ZNF665: variants seen among roughly 807,000 people sequenced by gnomAD.
ZNF665 encodes zinc finger protein 665.
In ZNF665, 6 loss-of-function variants were observed where a neutral mutation model predicts 7.9. The observed-to-expected ratio is 0.76, with a 90% CI of 0.42 to 1.50. The LOEUF (loss-of-function observed/expected upper bound fraction) is 1.50, where lower values mean the gene tolerates loss of function less well. Among genes scored for constraint, ZNF665 ranks in the 40% most tolerant of loss-of-function variants. ZNF665 has a pLI of 0.01. For synonymous variants in ZNF665, 242 were observed against 274.5 expected, an observed-to-expected ratio of 0.88 and a Z score of 1.17; for missense variants, 819 against 806.7, an observed-to-expected ratio of 1.02 and a Z score of -0.18.
At chr19:53,183,060 C>G in intron 1 of ZNF665, 117 bp from the exon 2 acceptor site, 3 of 1,123,682 alleles carry the variant, frequency 2.7e-6, no homozygotes, top group African/African-American at 3.0e-5. Context: ...CAGGGAAGAC[C>G]TTATACACAG....
chr19:53,181,729 G>T (rs1219999861), intron 2 of ZNF665: 1 of 152,136 alleles, frequency 6.6e-6, no homozygotes, highest in Non-Finnish European at 1.5e-5. Context: ...CCTATTTAAA[G>T]AAATTATAAG....
chr19:53,178,662 G>A (rs1470897706), intron 2 of ZNF665, among the ~76,000 whole-genome samples: 10 of 152,148 alleles, frequency 6.6e-5, no homozygotes, highest in Non-Finnish European at 1.5e-4. Flanking sequence ...AAATGATGTC[G>A]AGCAAAACTG....
chr19:53,184,931 A>AG (rs774885061), intron 1 of ZNF665, among the ~76,000 whole-genome samples: 8 of 152,048 alleles, frequency 5.3e-5, no homozygotes, highest in Non-Finnish European at 1.2e-4. Context: ...AGAGAGAGAG[A>AG]GGAGAAAGAG....
chr19:53,192,678 A>G (rs978831686), intron 1 of ZNF665, among the ~76,000 whole-genome samples: 2 of 151,980 alleles, frequency 1.3e-5, no homozygotes, highest in Non-Finnish European at 2.9e-5. Flanking sequence ...ACACATTCAC[A>G]GGGAGGGTTT....
chr19:53,183,003 G>C, intron 1 of ZNF665, 60 bp from the exon 2 acceptor site: 1 of 1,537,732 alleles, frequency 6.5e-7, no homozygotes, highest in South Asian at 1.1e-5. Flanking sequence ...TACGCTGTTT[G>C]TTGGTTAGAA....
intron 1 of ZNF665, among the ~76,000 whole-genome samples, chr19:53,184,896 C>T (rs2090765732): frequency 6.6e-6 from 1 of 151,748 alleles, no homozygotes; most frequent in African/African-American, 2.4e-5. Flanking sequence ...GGACAGAGGG[C>T]CCTTCCCTGC....
intron 3 of ZNF665, among the ~76,000 whole-genome samples, chr19:53,173,372 C>CTTTTTTT (rs34425717): frequency 1.4e-4 from 11 of 78,860 alleles, no homozygotes; most frequent in East Asian, 4.2e-4. Context: ...TTTTTTCACT[C>CTTTTTTT]TTTTTTTTTT....
chr19:53,182,354 G>T, intron 2 of ZNF665: 1 of 281,092 alleles, frequency 3.6e-6, no homozygotes, highest in Non-Finnish European at 6.9e-6. Context: ...CTAGGCGACA[G>T]AGCGAGACTC....
At chr19:53,171,524 A>ATATATATATATATATTTTT (rs372855271) in intron 3 of ZNF665, among the ~76,000 whole-genome samples, 5 of 69,324 alleles carry the variant, frequency 7.2e-5, no homozygotes, top group African/African-American at 1.0e-4. Flanking sequence ...ATATATATAT[A>ATATATATATATATATTTTT]TTTTTTTTTT....
chr19:53,165,071 A>T lies in ZNF665; in HGVS notation c.1419T>A (p.Leu473=), dbSNP rs777301759. ...CGKVFTQNSH[L]ASHRGIHSGE... ...CAGAATGAATTCCCCGATGACTTGC[A>T]AGGTGTGAATTTTGTGTGAAGACCT... Residue 473 remains leucine, a synonymous_variant, in exon 4 of 4, where the codon CTT becomes CTA. Transcript: ENST00000396424. 3 of 1,613,968 alleles carry T rather than the reference A, an allele frequency of 1.9e-6. No individual in the cohort carries two copies. Among genetic ancestry groups the T allele is most frequent in the Non-Finnish European group, 2.5e-6 (3 of 1,180,016 alleles).
intron 3 of ZNF665, among the ~76,000 whole-genome samples, chr19:53,171,977 C>T (rs180891916): frequency 6.6e-6 from 1 of 152,104 alleles, no homozygotes; most frequent in South Asian, 2.1e-4. Flanking sequence ...TGGTCTCGAA[C>T]TCCTGACCTC....
chr19:53,183,378 C>T (rs969766583), intron 1 of ZNF665, among the ~76,000 whole-genome samples: 4 of 152,168 alleles, frequency 2.6e-5, no homozygotes, highest in Non-Finnish European at 5.9e-5. Context: ...AATAACAGAA[C>T]AGAACAAATC....
At chr19:53,172,925 C>A (rs1001750306) in intron 3 of ZNF665, among the ~76,000 whole-genome samples, 17 of 150,466 alleles carry the variant, frequency 1.1e-4, no homozygotes, top group Admixed American at 1.1e-3. Flanking sequence ...GTTTCGATTT[C>A]TCACACATTT....
At chr19:53,172,001 A>T (rs953317396) in intron 3 of ZNF665, among the ~76,000 whole-genome samples, 1 of 151,794 alleles carries the variant, frequency 6.6e-6, no homozygotes, top group Non-Finnish European at 1.5e-5. Context: ...TGATCCACAC[A>T]CCTTGGCCTC....
In ZNF665 at chr19:53,173,757, T is replaced by A. The variant is rs542295569; in HGVS notation, c.142+1688A>T. The stretch of plus-strand genomic sequence containing the variant: ...TCCTGTTTTAATTACTATATCTTCA[T>A]AATACAGTTTGAAGTAAGGTAGTGT... On this transcript the variant is annotated intron_variant, in intron 3 of 3. Coordinates refer to ENST00000396424, the MANE Select transcript of ZNF665 (RefSeq NM_024733.5). Among the ~76,000 whole-genome samples, 35 of 152,290 alleles carry A rather than the reference T, an allele frequency of 2.3e-4. 1 individual carries two copies. In the East Asian group the frequency reaches 5.0e-3, roughly 22 times the overall value.
chr19:53,190,966 T>C (rs1166139328), intron 1 of ZNF665, among the ~76,000 whole-genome samples: 1 of 138,170 alleles, frequency 7.2e-6, no homozygotes, highest in Non-Finnish European at 1.5e-5. Flanking sequence ...AACAATTGGG[T>C]AAACCAAGGA....
rs202003039 is a variant in ZNF665, at chr19:53,166,017, T to G, written c.473A>C (p.Glu158Ala). ...TTGATTGTATTCATAAATTTTCCCT[T>G]CATGTTGAAATTGCTGCAGTTCAGG... is the stretch of plus-strand genomic sequence containing the variant. ...HLPELQQFQH[E>A]GKIYEYNQVE... is the part of the protein sequence containing the mutation. The change falls in exon 4 of 4, where the codon GAA (glutamate) becomes GCA (alanine). Residue 158 changes from glutamate (E) to alanine (A), a missense_variant. Glu to Ala is a moderately radical substitution (Grantham distance 107). Transcript: ENST00000396424. 6.2e-7 allele frequency: 1 copy of G among 1,613,954 alleles called. No homozygotes were observed. The highest frequency in any genetic ancestry group is 2.2e-5 in the East Asian group (1 of 44,876).
At position 53,182,879 on chromosome 19, in the gene ZNF665, C is replaced by T; in HGVS notation, c.15+5G>A. 6.2e-7 allele frequency: 1 copy of T among 1,612,832 alleles called. No individual in the cohort carries two copies. The highest frequency in any genetic ancestry group is 8.5e-7 in the Non-Finnish European group (1 of 1,180,006). On this transcript the variant is annotated splice_donor_5th_base_variant and intron_variant, in intron 2 of 3. Transcript: ENST00000396424. ...CAGAACAATCCACCGAGAATATCAT[C>T]TCACCTGAGGAAGAGCCATCCCTGA...
chr19:53,168,079 A>AAAAG (rs1555803861), intron 3 of ZNF665, among the ~76,000 whole-genome samples: 12,729 of 46,798 alleles, frequency 0.27, 830 homozygotes, highest in Middle Eastern at 0.38. Context: ...AAAAAAAAAA[A>AAAAG]AAAGAAAGAA....
Sources: gnomAD v4.1 joint callset for allele counts (sites outside exome capture counted in the v4.1 genomes callset) on GRCh38, gnomAD v4.1.1 for gene constraint, MANE v1.5 for transcripts, NCBI Gene and HGNC (gene_info 2026-07-23, HGNC 2026-07-21) for gene names.